MAP3K3: variants seen among roughly 807,000 people sequenced by gnomAD.
MAP3K3 encodes the protein mitogen-activated protein kinase kinase kinase 3.
In MAP3K3, 12 loss-of-function variants were observed where a neutral mutation model predicts 80.9. The observed-to-expected ratio is 0.15, with a 90% CI of 0.10 to 0.24. MAP3K3 has a LOEUF of 0.24. Among genes scored for constraint, MAP3K3 ranks in the 10% least tolerant of loss-of-function variants. The pLI, the probability that MAP3K3 is intolerant of heterozygous loss-of-function variation, is 1.00. For synonymous variants in MAP3K3, 272 were observed against 307.1 expected, an observed-to-expected ratio of 0.89 and a Z score of 1.19; for missense variants, 596 against 834.7, an observed-to-expected ratio of 0.71 and a Z score of 3.52.
At chr17:63,664,343 A>G (rs933378544) in intron 5 of MAP3K3, among the ~76,000 whole-genome samples, 3 of 152,144 alleles carry the variant, frequency 2.0e-5, no homozygotes. Context: ...CACAGCTATC[A>G]TAACTATCAT....
In MAP3K3 at chr17:63,692,570, A is replaced by G. The variant is rs2035614855; in HGVS notation, c.1652+151A>G. 2 of 761,260 alleles carry G rather than the reference A, an allele frequency of 2.6e-6. No individual in the cohort carries two copies. Among genetic ancestry groups the G allele is most frequent in the African/African-American group, 1.8e-5 (1 of 56,800 alleles). The allele number at this position is 761,260 out of a possible 1,614,324, so 47.2% of individuals were successfully genotyped here. A position where few individuals can be genotyped will look rare whatever the true frequency, so the allele number is the denominator to read the frequency against. On this transcript the variant is annotated intron_variant, in intron 15 of 15. Coordinates refer to ENST00000361733, the MANE Select transcript of MAP3K3 (RefSeq NM_002401.5). The surrounding 1 kb of genome is among the most constrained non-coding windows in gnomAD (Gnocchi z 4.5). Reference sequence around the variant, plus strand: ...GTGCAAGGGTATTATTGGGTGCAGTAGCACACACACCACATGGGTGGTGCT... The same window carrying G: ...GTGCAAGGGTATTATTGGGTGCAGTGGCACACACACCACATGGGTGGTGCT...
intron 6 of MAP3K3, among the ~76,000 whole-genome samples, chr17:63,674,366 A>T (rs1157202020): frequency 2.6e-5 from 4 of 152,026 alleles, no homozygotes; most frequent in Non-Finnish European, 1.5e-5. Context: ...GGAGTTCGAA[A>T]CCAGCCCAGG....
At chr17:63,643,909 A>G (rs978322137) in intron 2 of MAP3K3, among the ~76,000 whole-genome samples, 2 of 152,200 alleles carry the variant, frequency 1.3e-5, no homozygotes, top group African/African-American at 4.8e-5. Flanking sequence ...CCTGTGTGAC[A>G]CTTAAGTTGT....
At chr17:63,660,531 G>T (rs2034867787) in intron 5 of MAP3K3, among the ~76,000 whole-genome samples, 1 of 150,616 alleles carries the variant, frequency 6.6e-6, no homozygotes, top group Non-Finnish European at 1.5e-5. Flanking sequence ...TCTTGTTCCT[G>T]TTTTGAATTG....
chr17:63,676,333 G>A (rs541616374), intron 6 of MAP3K3, among the ~76,000 whole-genome samples: 11 of 152,338 alleles, frequency 7.2e-5, no homozygotes, highest in African/African-American at 2.6e-4. Context: ...GGAGAGTTCA[G>A]TGCAGCTGAT....
chr17:63,638,596 G>A (rs1055447321), intron 2 of MAP3K3, among the ~76,000 whole-genome samples: 11 of 152,206 alleles, frequency 7.2e-5, no homozygotes, highest in African/African-American at 1.4e-4. Flanking sequence ...TCTCCTGAGC[G>A]TGGCTGTCAC....
chr17:63,682,230 G>A (rs184980543), intron 7 of MAP3K3: 78 of 197,012 alleles, frequency 4.0e-4, no homozygotes, highest in Non-Finnish European at 6.6e-4. Context: ...TTTAACATAC[G>A]ACTGGTTCTA....
intron 6 of MAP3K3, among the ~76,000 whole-genome samples, chr17:63,674,982 C>T (rs1336938711): frequency 6.6e-6 from 1 of 152,122 alleles, no homozygotes; most frequent in African/African-American, 2.4e-5. Context: ...AGGGTAGAAG[C>T]CAGGACTGTA....
chr17:63,685,802 A>T (rs1485026559), intron 8 of MAP3K3, among the ~76,000 whole-genome samples: 2 of 152,246 alleles, frequency 1.3e-5, no homozygotes, highest in African/African-American at 4.8e-5. Context: ...TCATTTATTA[A>T]GTACTTGCTT....
chr17:63,666,830 A>G, intron 5 of MAP3K3, 110 bp from the exon 6 acceptor site: 2 of 1,209,730 alleles, frequency 1.7e-6, no homozygotes, highest in Non-Finnish European at 2.4e-6. Context: ...ATGTATTAAA[A>G]GCATGAAGGT....
At chr17:63,624,657 G>A (rs1329017996) in intron 1 of MAP3K3, among the ~76,000 whole-genome samples, 2 of 152,196 alleles carry the variant, frequency 1.3e-5, no homozygotes, top group Admixed American at 6.5e-5. Context: ...TCAGTTTTAC[G>A]TGAAGACACA....
intron 4 of MAP3K3, among the ~76,000 whole-genome samples, chr17:63,655,128 A>C (rs1320592967): frequency 6.6e-6 from 1 of 152,202 alleles, no homozygotes; most frequent in Non-Finnish European, 1.5e-5. Flanking sequence ...GAGGCCTAGC[A>C]AACTTAACAA....
intron 2 of MAP3K3, chr17:63,634,908 A>G (rs1400605469): frequency 2.0e-6 from 2 of 989,608 alleles, no homozygotes; most frequent in Admixed American, 2.0e-5. Context: ...GTGGATTTGT[A>G]AAAAGCATTG....
At chr17:63,660,533 T>G (rs1469215002) in intron 5 of MAP3K3, among the ~76,000 whole-genome samples, 1 of 151,918 alleles carries the variant, frequency 6.6e-6, no homozygotes, top group Non-Finnish European at 1.5e-5. Context: ...TTGTTCCTGT[T>G]TTGAATTGTG....
rs529450682 is a variant in MAP3K3, at chr17:63,656,240, A to G, written c.268-1554A>G. Among the ~76,000 whole-genome samples the G allele has an allele frequency of 1.3e-3, 188 of 146,644 alleles. 2 individuals are homozygous for G. Among genetic ancestry groups the G allele is most frequent in the Admixed American group, 0.013 (185 of 14,770 alleles). Reference sequence around the variant, plus strand: ...GGGAGATGCTGTCTCAAAAAAAAAAATCTTGTATTATAAATTGGGAACTGT... The same window carrying G: ...GGGAGATGCTGTCTCAAAAAAAAAAGTCTTGTATTATAAATTGGGAACTGT... On this transcript the variant is annotated intron_variant, in intron 4 of 15. Coordinates refer to ENST00000361733, the MANE Select transcript of MAP3K3 (RefSeq NM_002401.5).
Position 63,667,827 on chromosome 17 carries a change from C to T in MAP3K3, c.502+767C>T, listed in dbSNP as rs745930312. Among the ~76,000 whole-genome samples, 9 of 151,664 alleles carry T rather than the reference C, an allele frequency of 5.9e-5. No individual in the cohort carries two copies. The South Asian group carries it at 1.9e-3, about 32-fold the overall frequency. ...TTCTCAATCTGTGGTTGGTTGAATC[C>T]ACAGATGCAGAACCTGGAGATATGG... On this transcript the variant is annotated intron_variant, in intron 6 of 15. Transcript: ENST00000361733.
intron 1 of MAP3K3, among the ~76,000 whole-genome samples, chr17:63,625,934 G>A (rs1258968899): frequency 6.6e-6 from 1 of 152,054 alleles, no homozygotes; most frequent in African/African-American, 2.4e-5. Context: ...TTAGCTGGGC[G>A]TAGTGGCATG....
chr17:63,686,776 G>C (rs757921740), intron 8 of MAP3K3, among the ~76,000 whole-genome samples: 1 of 152,204 alleles, frequency 6.6e-6, no homozygotes, highest in Non-Finnish European at 1.5e-5. Context: ...GCAGTACTTT[G>C]TTTTCTTCTC....
intron 2 of MAP3K3, among the ~76,000 whole-genome samples, chr17:63,633,819 A>T (rs1468525510): frequency 6.6e-6 from 1 of 152,144 alleles, no homozygotes; most frequent in Non-Finnish European, 1.5e-5. Flanking sequence ...TTTGTGTATG[A>T]CATTCTCCCT....
Sources: gnomAD v4.1 joint callset for allele counts (sites outside exome capture counted in the v4.1 genomes callset) on GRCh38, gnomAD v4.1.1 for gene constraint, Gnocchi (gnomAD v3.1) non-coding constraint, MANE v1.5 for transcripts, NCBI Gene and HGNC (gene_info 2026-07-23, HGNC 2026-07-21) for gene names.